Variants in DENND1A observed in about 807,000 individuals in gnomAD.
DENND1A encodes the protein DENN domain containing 1A.
DENND1A carries 51 observed loss-of-function variants against 113.7 expected under a neutral mutation model. That is an observed-to-expected ratio of 0.45 (90% CI 0.36 to 0.57). The LOEUF (loss-of-function observed/expected upper bound fraction) is 0.57. Among genes scored for constraint, DENND1A ranks in the 20% least tolerant of loss-of-function variants. DENND1A has a pLI of 0.00. For synonymous variants in DENND1A, 565 were observed against 570.8 expected, an observed-to-expected ratio of 0.99 and a Z score of 0.14; for missense variants, 1,258 against 1,395.9, an observed-to-expected ratio of 0.90 and a Z score of 1.57.
intron 5 of DENND1A, among the ~76,000 whole-genome samples, chr9:123,728,496 A>AAAAAAAAAAAAAAAC (rs2067899434): frequency 6.8e-6 from 1 of 147,268 alleles, no homozygotes; most frequent in Non-Finnish European, 1.5e-5. Context: ...AAAAAAAAAA[A>AAAAAAAAAAAAAAAC]AAAAAAAAAA....
chr9:123,475,083 A>C (rs1324571246), intron 13 of DENND1A, among the ~76,000 whole-genome samples: 1 of 152,068 alleles, frequency 6.6e-6, no homozygotes, highest in Non-Finnish European at 1.5e-5. Context: ...CAGTGGCCCG[A>C]TCTCAGCTCA....
intron 21 of DENND1A, among the ~76,000 whole-genome samples, chr9:123,391,285 C>T (rs1006884901): frequency 6.6e-6 from 1 of 152,228 alleles, no homozygotes; most frequent in African/African-American, 2.4e-5. Context: ...TGGCAGGGTA[C>T]ATCCAGGTGA....
intron 18 of DENND1A, among the ~76,000 whole-genome samples, chr9:123,444,852 C>T (rs2047182131): frequency 6.6e-6 from 1 of 152,070 alleles, no homozygotes; most frequent in South Asian, 2.1e-4. Context: ...AAAGCAGAAA[C>T]AAGAAGCTAG....
chr9:123,586,239 CCAGGGCTGAA>C (rs1322471043), intron 11 of DENND1A, among the ~76,000 whole-genome samples: 1 of 152,106 alleles, frequency 6.6e-6, no homozygotes, highest in African/African-American at 2.4e-5. Flanking sequence ...AGAGAAGCCT[CCAGGGCTGAA>C]TGGCCCCATG....
At chr9:123,688,609 C>G (rs2140336390) in intron 5 of DENND1A, among the ~76,000 whole-genome samples, 1 of 152,292 alleles carries the variant, frequency 6.6e-6, no homozygotes, top group East Asian at 1.9e-4. Flanking sequence ...CGCATTCCTT[C>G]TGTACCCAAA....
intron 2 of DENND1A, among the ~76,000 whole-genome samples, chr9:123,852,831 A>C (rs1843579592): frequency 6.6e-6 from 1 of 152,224 alleles, no homozygotes; most frequent in Non-Finnish European, 1.5e-5. Context: ...ACATTGGCTG[A>C]TAAGAGTGCA....
intron 11 of DENND1A, among the ~76,000 whole-genome samples, chr9:123,584,949 G>A (rs2059091775): frequency 6.6e-6 from 1 of 152,138 alleles, no homozygotes; most frequent in African/African-American, 2.4e-5. Flanking sequence ...ACTGGCACCC[G>A]GTAAGTGTAC....
At chr9:123,511,602 G>A (rs957523828) in intron 13 of DENND1A, among the ~76,000 whole-genome samples, 13 of 152,184 alleles carry the variant, frequency 8.5e-5, no homozygotes, top group Non-Finnish European at 1.5e-5. Context: ...CTTCAGGGCT[G>A]GACACTTATG....
At chr9:123,602,523 G>A (rs2059980512) in intron 11 of DENND1A, among the ~76,000 whole-genome samples, 2 of 152,152 alleles carry the variant, frequency 1.3e-5, no homozygotes, top group African/African-American at 2.4e-5. Flanking sequence ...TCTGAGGAAC[G>A]CTCAAACATG....
At chr9:123,698,490 C>A (rs2065665974) in intron 5 of DENND1A, among the ~76,000 whole-genome samples, 1 of 152,172 alleles carries the variant, frequency 6.6e-6, no homozygotes. Context: ...TACTTGGAGA[C>A]AAAGCTCTAA....
intron 13 of DENND1A, among the ~76,000 whole-genome samples, chr9:123,468,438 C>T (rs1194034362): frequency 6.6e-6 from 1 of 152,210 alleles, no homozygotes; most frequent in Non-Finnish European, 1.5e-5. Context: ...AAGTGACCAG[C>T]ACAGAGCCTG....
At chr9:123,765,960 T>C (rs1284159376) in intron 4 of DENND1A, among the ~76,000 whole-genome samples, 1 of 152,206 alleles carries the variant, frequency 6.6e-6, no homozygotes, top group Non-Finnish European at 1.5e-5. Flanking sequence ...CTGTGGATCA[T>C]GGTTTTCCTT....
At chr9:123,477,872 T>C (rs2050040740) in intron 13 of DENND1A, among the ~76,000 whole-genome samples, 1 of 152,180 alleles carries the variant, frequency 6.6e-6, no homozygotes, top group Admixed American at 6.5e-5. Context: ...GGTTGTTAAC[T>C]TCAAAGGCAA....
chr9:123,856,849 A>G (rs77762754), intron 2 of DENND1A, among the ~76,000 whole-genome samples: 5,463 of 152,222 alleles, frequency 0.036, 102 homozygotes, highest in Middle Eastern at 0.048. Flanking sequence ...GTAGTCATGT[A>G]CAAGGGATTA....
intron 5 of DENND1A, among the ~76,000 whole-genome samples, chr9:123,696,699 T>C (rs2140507670): frequency 6.6e-6 from 1 of 152,312 alleles, no homozygotes; most frequent in Middle Eastern, 3.4e-3. Context: ...AATCAGCAGT[T>C]CTTATAATAA....
intron 1 of DENND1A, among the ~76,000 whole-genome samples, chr9:123,890,564 C>T (rs192427543): frequency 1.3e-5 from 2 of 152,326 alleles, no homozygotes; most frequent in Non-Finnish European, 2.9e-5. Flanking sequence ...ACTTCTAAAT[C>T]TTGTTAATAT....
chr9:123,610,413 T>C (rs2060364107), intron 10 of DENND1A, among the ~76,000 whole-genome samples: 1 of 152,242 alleles, frequency 6.6e-6, no homozygotes, highest in Non-Finnish European at 1.5e-5. Context: ...ATCACTTACC[T>C]AATACCACAA....
chr9:123,407,518 T>C (rs889684960), intron 20 of DENND1A, among the ~76,000 whole-genome samples: 34 of 151,406 alleles, frequency 2.2e-4, no homozygotes, highest in African/African-American at 7.1e-4. Flanking sequence ...GACAAAACGG[T>C]TTAATGAAGC....
rs2057489224 is a variant in DENND1A, at chr9:123,557,546, C to T, written c.993+24G>A. 13 of 1,612,726 alleles carry T rather than the reference C, an allele frequency of 8.1e-6. No homozygotes were observed. In the East Asian group the frequency reaches 2.9e-4, roughly 36 times the overall value. On this transcript the variant is annotated intron_variant, in intron 13 of 23. Transcript: ENST00000394215. ...TCTCAGCCCTGACCAAACACAGGCTCTGTGACATGCCAAGGCTACTCACCG... is the reference window on the plus strand; with the variant it reads ...TCTCAGCCCTGACCAAACACAGGCTTTGTGACATGCCAAGGCTACTCACCG...
Sources: gnomAD v4.1 joint callset for allele counts (sites outside exome capture counted in the v4.1 genomes callset) on GRCh38, gnomAD v4.1.1 for gene constraint, MANE v1.5 for transcripts, NCBI Gene and HGNC (gene_info 2026-07-23, HGNC 2026-07-21) for gene names.